The following WDFY4 variants were observed in gnomAD, a reference collection of about 807,000 sequenced individuals.
WDFY4 encodes WDFY family member 4.
A neutral mutation model predicts 351.9 loss-of-function variants in WDFY4; 169 were observed. The ratio of observed to expected loss-of-function variants is 0.48; its 90% CI spans 0.42 to 0.55. The LOEUF is 0.55. WDFY4 is among the 20% of genes least tolerant of loss of function. WDFY4 has a pLI of 0.00. For synonymous variants in WDFY4, 1,622 were observed against 1,574.6 expected (o/e 1.03, Z -0.71); for missense variants, 3,803 against 3,935.6 (o/e 0.97, Z 0.90).
At position 48,796,642 on chromosome 10, in the gene WDFY4, C is replaced by T. The variant is rs12219132; in HGVS notation, c.4410+192C>T. On this transcript the variant is annotated intron_variant, in intron 24 of 61. Transcript: ENST00000325239. ...GTGCCACCTATGGACTGAGTGGCTT[C>T]GGACAAATCTCTTGACCTCTCTGAG... 1.3e-3 allele frequency among the ~76,000 whole-genome samples: 201 copies of T among 152,326 alleles called. 1 individual carries two copies. The Middle Eastern group carries it at 0.014, about 10-fold the overall frequency.
chr10:48,828,870 GAGA>G lies in WDFY4; in HGVS notation c.6318_6320del (p.Glu2106del). Reference sequence around the variant, plus strand: ...CCAAATGAAGACGTGAAAGAAAAAAGAGAAGACTTACCAAGTTTGAGTGATGGT... The same window carrying G: ...CCAAATGAAGACGTGAAAGAAAAAAGAGACTTACCAAGTTTGAGTGATGGT... On this transcript the variant is annotated inframe_deletion, in exon 37 of 62. Coordinates refer to ENST00000325239, the MANE Select transcript of WDFY4 (RefSeq NM_001394531.1). 7.3e-7 allele frequency: 1 copy of G among 1,367,112 alleles called. No homozygotes were observed. The highest frequency in any genetic ancestry group is 9.6e-7 in the Non-Finnish European group (1 of 1,038,160). The allele number at this position is 1,367,112 out of a possible 1,614,324, so 84.7% of individuals were successfully genotyped here.
chr10:48,793,501 A>G (rs2066749848), intron 23 of WDFY4, among the ~76,000 whole-genome samples: 1 of 152,096 alleles, frequency 6.6e-6, no homozygotes, highest in Non-Finnish European at 1.5e-5. Flanking sequence ...TGTTTTTTTA[A>G]ACTTTCTTGT....
intron 24 of WDFY4, among the ~76,000 whole-genome samples, chr10:48,799,720 C>T (rs2066994669): frequency 6.6e-6 from 1 of 151,864 alleles, no homozygotes; most frequent in Admixed American, 6.6e-5. Context: ...TTGCAGTGAG[C>T]CGAGATCATG....
chr10:48,787,375 C>T (rs143269930), intron 20 of WDFY4, among the ~76,000 whole-genome samples: 131 of 152,320 alleles, frequency 8.6e-4, no homozygotes, highest in African/African-American at 3.0e-3. Flanking sequence ...CGATTGAGTG[C>T]TCTTGAGCAT....
At chr10:48,959,084 A>C (rs1841739100) in intron 52 of WDFY4, among the ~76,000 whole-genome samples, 1 of 152,174 alleles carries the variant, frequency 6.6e-6, no homozygotes, top group South Asian at 2.1e-4. Flanking sequence ...ATCACCTTAA[A>C]TTTTACAGGT....
intron 12 of WDFY4, among the ~76,000 whole-genome samples, chr10:48,753,839 T>A (rs2065252917): frequency 6.6e-6 from 1 of 152,254 alleles, no homozygotes; most frequent in African/African-American, 2.4e-5. Flanking sequence ...TAGGGTTTCC[T>A]ACAATTCCAC....
intron 19 of WDFY4, among the ~76,000 whole-genome samples, chr10:48,782,219 TTTG>T (rs2066250262): frequency 6.6e-6 from 1 of 152,256 alleles, no homozygotes; most frequent in Non-Finnish European, 1.5e-5. Context: ...TTGCAATATC[TTTG>T]TTTTTATCTG....
chr10:48,822,436 A>G lies in WDFY4; in HGVS notation c.5881A>G (p.Ile1961Val), dbSNP rs1047675132. The change falls in exon 35 of 62, where the codon ATC becomes GTC. Residue 1961 changes from isoleucine (I) to valine (V), a missense_variant. Coordinates refer to ENST00000325239, the MANE Select transcript of WDFY4 (RefSeq NM_001394531.1). ...TGCTGCTGCCCCTTCTCTTGCCAACATCTCCTGCTTCACCCAGAAGCTGGT... is the reference window on the plus strand; with the variant it reads ...TGCTGCTGCCCCTTCTCTTGCCAACGTCTCCTGCTTCACCCAGAAGCTGGT... ...EAAAAPSLAN[I>V]SCFTQKLVEK... 13 of 1,551,304 alleles carry G rather than the reference A, an allele frequency of 8.4e-6. No individual in the cohort carries two copies. The highest frequency in any genetic ancestry group is 2.4e-5 in the East Asian group (1 of 40,902).
chr10:48,910,130 C>T (rs79058084), intron 47 of WDFY4: 17 of 1,103,026 alleles, frequency 1.5e-5, no homozygotes, highest in Non-Finnish European at 6.9e-6. Flanking sequence ...GCCTGGTTTC[C>T]AGAACATCTC....
In WDFY4 at chr10:48,777,043, G is replaced by A. The variant is rs1255685991; in HGVS notation, c.3098+59G>A. 2.7e-6 allele frequency: 4 copies of A among 1,485,278 alleles called. No individual in the cohort carries two copies. In the African/African-American group the frequency reaches 4.2e-5, roughly 16 times the overall value. 92.0% of individuals were successfully genotyped at this position (1,485,278 alleles called of 1,614,324 possible). ...TTATTAATTTTGCAGTGCCTCTGAT[G>A]AATTATAATATTGATTGCAAACTTG... On this transcript the variant is annotated intron_variant, in intron 16 of 61. Coordinates refer to ENST00000325239, the MANE Select transcript of WDFY4 (RefSeq NM_001394531.1).
At chr10:48,857,797 T>G (rs750135641) in intron 39 of WDFY4, among the ~76,000 whole-genome samples, 1 of 152,172 alleles carries the variant, frequency 6.6e-6, no homozygotes, top group Non-Finnish European at 1.5e-5. Flanking sequence ...CTTGTTGATT[T>G]TTTTTTCTTT....
At chr10:48,885,718 C>A (rs1252727271) in intron 43 of WDFY4, among the ~76,000 whole-genome samples, 1 of 148,606 alleles carries the variant, frequency 6.7e-6, no homozygotes, top group Non-Finnish European at 1.5e-5. Flanking sequence ...GAGATGTTCT[C>A]TCTCTCTCTC....
At chr10:48,962,534 T>A in intron 53 of WDFY4, among the ~76,000 whole-genome samples, 1 of 152,212 alleles carries the variant, frequency 6.6e-6, no homozygotes. Flanking sequence ...TACTTCCTCT[T>A]GCTCATGTGT....
chr10:48,892,321 A>G (rs368083876), intron 44 of WDFY4, among the ~76,000 whole-genome samples: 1 of 152,222 alleles, frequency 6.6e-6, no homozygotes, highest in Non-Finnish European at 1.5e-5. Context: ...TGCACTTTTA[A>G]TAGAAGCCCA....
chr10:48,825,840 T>C (rs532944544), intron 35 of WDFY4, among the ~76,000 whole-genome samples: 6 of 152,214 alleles, frequency 3.9e-5, no homozygotes, highest in Non-Finnish European at 8.8e-5. Context: ...AAGTTCCCTG[T>C]AGATTCTGGA....
At chr10:48,956,256 G>T (rs1841584237) in intron 51 of WDFY4, among the ~76,000 whole-genome samples, 1 of 152,216 alleles carries the variant, frequency 6.6e-6, no homozygotes, top group South Asian at 2.1e-4. Flanking sequence ...GGCCACCTGT[G>T]GCCATGGGCC....
intron 60 of WDFY4, chr10:48,978,965 T>C (rs1842694107): frequency 6.6e-6 from 1 of 152,562 alleles, no homozygotes; most frequent in Non-Finnish European, 1.5e-5. Context: ...CATTTGCAAT[T>C]AGTTCATTTC....
chr10:48,943,217 C>A (rs1840870731), intron 48 of WDFY4, 113 bp from the exon 49 acceptor site: 2 of 1,286,742 alleles, frequency 1.6e-6, no homozygotes, highest in South Asian at 3.1e-5. Context: ...GGGCTGGCTG[C>A]CTGTCCTCAC....
In WDFY4 at chr10:48,817,334, C is replaced by G. The variant is rs779856676; in HGVS notation, c.5430C>G (p.Pro1810=). The stretch of plus-strand genomic sequence containing the variant: ...TCAGCCTCGTCCACCGCACCTACCC[C>G]CAGGACCCAGCGTGGCGAGCCCCGG... ...QFLSLVHRTY[P]QDPAWRAPEF... is the part of the protein sequence containing the mutation. Residue 1810 remains proline (P), a synonymous_variant, in exon 32 of 62, where the codon CCC becomes CCG. Transcript: ENST00000325239. The G allele has an allele frequency of 1.8e-4, 275 of 1,551,554 alleles. 1 individual carries two copies. The highest frequency in any genetic ancestry group is 5.7e-4 in the Admixed American group (29 of 50,992).
Sources: allele counts gnomAD v4.1 joint callset (sites outside exome capture counted in the v4.1 genomes callset), GRCh38; gene constraint gnomAD v4.1.1; transcripts MANE v1.5; gene names NCBI Gene and HGNC (gene_info 2026-07-23, HGNC 2026-07-21).